CNTNAP2: variants seen among roughly 807,000 people sequenced by gnomAD.
CNTNAP2 encodes the protein contactin-associated protein-like 2.
A neutral mutation model predicts 155.2 loss-of-function variants in CNTNAP2; 98 were observed. The ratio of observed to expected loss-of-function variants is 0.63; its 90% CI spans 0.54 to 0.75. The LOEUF (loss-of-function observed/expected upper bound fraction) is 0.75, where lower values mean the gene tolerates loss of function less well. Ranked by LOEUF, CNTNAP2 falls within the 30% of genes least tolerant of loss-of-function variation. The probability of loss-of-function intolerance (pLI) is 0.00; values close to 1 mark genes in which losing one functional copy is unlikely to be tolerated. For missense variants in CNTNAP2, 1,727 were observed against 1,688.1 expected, an observed-to-expected ratio of 1.02 and a Z score of -0.40; for synonymous variants, 651 against 631.2, an observed-to-expected ratio of 1.03 and a Z score of -0.47.
chr7:146,444,896 A>G (rs1275567652), intron 1 of CNTNAP2, among the ~76,000 whole-genome samples: 1 of 151,574 alleles, frequency 6.6e-6, no homozygotes, highest in African/African-American at 2.4e-5. Context: ...GCCTCAAGTA[A>G]TCCACCCGCC....
intron 3 of CNTNAP2, among the ~76,000 whole-genome samples, chr7:147,027,005 A>AG (rs1798935055): frequency 9.2e-6 from 1 of 109,270 alleles, no homozygotes; most frequent in African/African-American, 3.6e-5. Flanking sequence ...AACAGAACAG[A>AG]AAAAAAAAAA....
chr7:146,591,400 T>C (rs919279177), intron 1 of CNTNAP2, among the ~76,000 whole-genome samples: 1 of 14,036 alleles, frequency 7.1e-5, no homozygotes, highest in African/African-American at 4.8e-4. Context: ...AAATGGGTGG[T>C]AAATGTGGAA....
intron 10 of CNTNAP2, among the ~76,000 whole-genome samples, chr7:147,414,941 C>CAAAAAAAAAAAAAAAAAAAA (rs67048724): frequency 3.9e-4 from 20 of 50,920 alleles, no homozygotes; most frequent in East Asian, 1.9e-3. Context: ...GACTCCTTCT[C>CAAAAAAAAAAAAAAAAAAAA]AAAAAAAAAA....
At chr7:146,965,764 A>G (rs1373542472) in intron 3 of CNTNAP2, among the ~76,000 whole-genome samples, 1 of 152,214 alleles carries the variant, frequency 6.6e-6, no homozygotes, top group Non-Finnish European at 1.5e-5. Flanking sequence ...AACTTTATTC[A>G]GAGGGATAAT....
chr7:147,622,931 A>ACAT (rs1175883698), intron 12 of CNTNAP2, among the ~76,000 whole-genome samples: 1 of 152,114 alleles, frequency 6.6e-6, no homozygotes, highest in African/African-American at 2.4e-5. Context: ...GAAAAAGGAG[A>ACAT]CATTACAACT....
At chr7:147,370,628 G>T (rs750055695) in intron 9 of CNTNAP2, among the ~76,000 whole-genome samples, 3 of 152,002 alleles carry the variant, frequency 2.0e-5, no homozygotes, top group Non-Finnish European at 4.4e-5. Flanking sequence ...TTTTCTGATC[G>T]ACAACTATGT....
At chr7:147,306,034 G>A (rs1048032617) in intron 9 of CNTNAP2, among the ~76,000 whole-genome samples, 1 of 152,012 alleles carries the variant, frequency 6.6e-6, no homozygotes, top group African/African-American at 2.4e-5. Context: ...ATGGGATTAG[G>A]TATCATCCTA....
chr7:146,937,604 C>T (rs1796946569), intron 3 of CNTNAP2, among the ~76,000 whole-genome samples: 1 of 152,058 alleles, frequency 6.6e-6, no homozygotes, highest in Admixed American at 6.6e-5. Flanking sequence ...GTGGCTGGGA[C>T]AAGGCTGCAA....
At chr7:146,172,207 A>C (rs1436234846) in intron 1 of CNTNAP2, among the ~76,000 whole-genome samples, 1 of 152,008 alleles carries the variant, frequency 6.6e-6, no homozygotes, top group African/African-American at 2.4e-5. Context: ...TTTTTAACCA[A>C]ATAGCTCAAG....
intron 2 of CNTNAP2, among the ~76,000 whole-genome samples, chr7:146,784,226 A>T (rs956678124): frequency 1.3e-5 from 2 of 152,130 alleles, no homozygotes; most frequent in African/African-American, 4.8e-5. Flanking sequence ...AATATTTGCT[A>T]TTGAGAAAAT....
chr7:146,285,365 C>T (rs189616486), intron 1 of CNTNAP2, among the ~76,000 whole-genome samples: 1 of 151,880 alleles, frequency 6.6e-6, no homozygotes, highest in East Asian at 1.9e-4. Flanking sequence ...TGGAAAACTA[C>T]TCAATCAATA....
chr7:146,877,859 C>T (rs1297522410), intron 3 of CNTNAP2, among the ~76,000 whole-genome samples: 1 of 152,020 alleles, frequency 6.6e-6, no homozygotes, highest in Non-Finnish European at 1.5e-5. Flanking sequence ...CAAGTGAAAA[C>T]TATGAATTAT....
At chr7:146,611,569 A>G (rs1185794027) in intron 1 of CNTNAP2, among the ~76,000 whole-genome samples, 1 of 152,180 alleles carries the variant, frequency 6.6e-6, no homozygotes, top group Non-Finnish European at 1.5e-5. Context: ...GCAAAAAGGC[A>G]AAGATTCATG....
At chr7:147,811,729 T>C (rs966319990) in intron 13 of CNTNAP2, among the ~76,000 whole-genome samples, 1 of 152,228 alleles carries the variant, frequency 6.6e-6, no homozygotes, top group Non-Finnish European at 1.5e-5. Flanking sequence ...CCATACATTT[T>C]ACTCGCATTC....
chr7:146,192,361 A>G (rs1798718613), intron 1 of CNTNAP2, among the ~76,000 whole-genome samples: 1 of 152,302 alleles, frequency 6.6e-6, no homozygotes, highest in Admixed American at 6.5e-5. Flanking sequence ...CTAAGATATT[A>G]GCCTGTTCTC....
intron 1 of CNTNAP2, among the ~76,000 whole-genome samples, chr7:146,421,051 G>A (rs1310331070): frequency 6.6e-6 from 1 of 151,936 alleles, no homozygotes; most frequent in Non-Finnish European, 1.5e-5. Context: ...GAAGTGAAAG[G>A]ACAATCACAG....
intron 21 of CNTNAP2, among the ~76,000 whole-genome samples, chr7:148,295,779 A>G (rs545314775): frequency 6.6e-6 from 1 of 152,166 alleles, no homozygotes; most frequent in Non-Finnish European, 1.5e-5. Flanking sequence ...ACATGAGCCA[A>G]CGCGCCCGGC....
chr7:146,389,458 G>T (rs1383664394), intron 1 of CNTNAP2, among the ~76,000 whole-genome samples: 2 of 151,138 alleles, frequency 1.3e-5, no homozygotes, highest in Admixed American at 6.6e-5. Context: ...CCTTTTTTCT[G>T]TCTTTGTCTT....
chr7:146,977,810 T>C (rs1797941045), intron 3 of CNTNAP2, among the ~76,000 whole-genome samples: 1 of 152,240 alleles, frequency 6.6e-6, no homozygotes, highest in Non-Finnish European at 1.5e-5. Flanking sequence ...GTCTGAGTTT[T>C]AGATCTTCAA....
Sources: gnomAD v4.1 joint callset for allele counts (sites outside exome capture counted in the v4.1 genomes callset) on GRCh38, gnomAD v4.1.1 for gene constraint, MANE v1.5 for transcripts, NCBI Gene and HGNC (gene_info 2026-07-23, HGNC 2026-07-21) for gene names.